The following RNF180 variants were observed in gnomAD, a reference collection of about 807,000 sequenced individuals.
RNF180 encodes E3 ubiquitin-protein ligase RNF180.
Under a neutral mutation model 59.2 loss-of-function variants are expected in RNF180, and 38 were observed. The ratio of observed to expected loss-of-function variants is 0.64; its 90% CI spans 0.50 to 0.84. The LOEUF is 0.84. Among genes scored for constraint, RNF180 ranks in the 40% least tolerant of loss-of-function variants. The probability of loss-of-function intolerance (pLI) is 0.00; values close to 1 mark genes in which losing one functional copy is unlikely to be tolerated. For missense variants in RNF180, 705 were observed against 700.9 expected (o/e 1.01, Z -0.07); for synonymous variants, 262 against 240.3 (o/e 1.09, Z -0.84).
rs1294102235 is a variant in RNF180 at position 64,325,632 on chromosome 5, A to G, written c.1453+221A>G. Among the ~76,000 whole-genome samples the G allele has an allele frequency of 3.3e-5, 5 of 152,166 alleles. No individual in the cohort carries two copies. In the East Asian group the frequency reaches 9.6e-4, roughly 29 times the overall value. On this transcript the variant is annotated intron_variant, in intron 6 of 7. Coordinates refer to ENST00000389100, the MANE Select transcript of RNF180 (RefSeq NM_001113561.2). ...CTACTGTACACTCAGATCCTTTCTA[A>G]AACACTGTAACTAGTAGTTGTTCAG...
intron 6 of RNF180, among the ~76,000 whole-genome samples, chr5:64,327,507 TTTTAAA>T (rs1477443790): frequency 2.0e-5 from 3 of 152,180 alleles, no homozygotes; most frequent in South Asian, 2.1e-4. Flanking sequence ...TTCACATACT[TTTTAAA>T]TTTAAATTTC....
intron 1 of RNF180, among the ~76,000 whole-genome samples, chr5:64,171,045 TC>T (rs1222996840): frequency 1.3e-5 from 2 of 152,186 alleles, no homozygotes; most frequent in Non-Finnish European, 2.9e-5. Flanking sequence ...GGAGTAATAG[TC>T]AACGATATAG....
intron 7 of RNF180, among the ~76,000 whole-genome samples, chr5:64,349,208 A>T (rs1009608557): frequency 1.3e-5 from 2 of 152,102 alleles, no homozygotes; most frequent in African/African-American, 4.8e-5. Context: ...AATGTCTGTC[A>T]CCACCATTCC....
At position 64,214,041 on chromosome 5, in the gene RNF180, C is replaced by T; in HGVS notation, c.715C>T (p.Leu239=). 6.2e-7 allele frequency: 1 copy of T among 1,614,108 alleles called. No individual in the cohort carries two copies. Among genetic ancestry groups the T allele is most frequent in the East Asian group, 2.2e-5 (1 of 44,888 alleles). Residue 239 remains leucine, a synonymous_variant, in exon 4 of 8, where the codon CTG becomes TTG. Coordinates refer to ENST00000389100, the MANE Select transcript of RNF180 (RefSeq NM_001113561.2). Reference sequence around the variant, plus strand: ...TTTGGATCTGAACATCAGTGAGAAACTGACTTTATTACCCACTTTATATGA... The same window carrying T: ...TTTGGATCTGAACATCAGTGAGAAATTGACTTTATTACCCACTTTATATGA... The part of the protein sequence containing the change: ...HSLDLNISEK[L]TLLPTLYEIH...
chr5:64,223,415 C>T (rs1741475617), intron 5 of RNF180, among the ~76,000 whole-genome samples: 1 of 152,194 alleles, frequency 6.6e-6, no homozygotes, highest in African/African-American at 2.4e-5. Flanking sequence ...ACCTGGACAT[C>T]TTTGGGGAGT....
intron 1 of RNF180, among the ~76,000 whole-genome samples, chr5:64,175,813 C>G (rs1249879980): frequency 6.6e-6 from 1 of 152,092 alleles, no homozygotes. Flanking sequence ...CAATAGAGAT[C>G]TTTCACATGC....
intron 5 of RNF180, among the ~76,000 whole-genome samples, chr5:64,221,184 A>G (rs955419250): frequency 6.6e-6 from 1 of 152,056 alleles, no homozygotes; most frequent in African/African-American, 2.4e-5. Context: ...TAGAATTAAA[A>G]TAGTGATCCA....
chr5:64,222,968 A>G (rs1741443754), intron 5 of RNF180, among the ~76,000 whole-genome samples: 1 of 152,252 alleles, frequency 6.6e-6, no homozygotes, highest in Non-Finnish European at 1.5e-5. Context: ...TCACACTTAC[A>G]TATCCCTTAC....
chr5:64,298,736 C>T (rs548252184), intron 5 of RNF180, among the ~76,000 whole-genome samples: 2 of 152,036 alleles, frequency 1.3e-5, no homozygotes, highest in East Asian at 1.9e-4. Flanking sequence ...TTAGCCAGTC[C>T]GCTGAACCAG....
intron 5 of RNF180, among the ~76,000 whole-genome samples, chr5:64,243,388 G>T (rs1742914088): frequency 6.6e-6 from 1 of 152,186 alleles, no homozygotes; most frequent in Admixed American, 6.5e-5. Flanking sequence ...GGACTCTCAA[G>T]CTTGGTCAGG....
intron 7 of RNF180, among the ~76,000 whole-genome samples, chr5:64,343,503 A>T (rs1015758060): frequency 2.0e-5 from 3 of 152,050 alleles, no homozygotes. Context: ...CCTATTGATA[A>T]ATCTCAGCAT....
intron 7 of RNF180, among the ~76,000 whole-genome samples, chr5:64,355,694 T>C (rs1033424430): frequency 4.6e-5 from 7 of 152,054 alleles, no homozygotes; most frequent in African/African-American, 1.7e-4. Context: ...GCCATAAGAA[T>C]AGACATATAG....
chr5:64,325,391 C>A lies in RNF180; in HGVS notation c.1433C>A (p.Ser478Tyr), dbSNP rs940871654. 4.5e-6 allele frequency: 7 copies of A among 1,550,460 alleles called. No homozygotes were observed. The highest frequency in any genetic ancestry group is 3.9e-5 in the Admixed American group (2 of 50,984). Residue 478 changes from serine (S) to tyrosine (Y), a missense_variant, in exon 6 of 8, where the codon TCT (serine) becomes TAT (tyrosine). Physicochemically the swap from Ser to Tyr is moderately radical, Grantham distance 144. Coordinates refer to ENST00000389100, the MANE Select transcript of RNF180 (RefSeq NM_001113561.2). ...TGCCCATTGTGTCGGACAATTATTT[C>A]TAGAGTCTTTTTCCAAACAGGTAAC... ...TPCPLCRTII[S>Y]RVFFQTELNN...
chr5:64,267,508 C>A (rs908229333), intron 5 of RNF180, among the ~76,000 whole-genome samples: 3 of 151,870 alleles, frequency 2.0e-5, no homozygotes, highest in Non-Finnish European at 2.9e-5. Flanking sequence ...CCCACTCCCC[C>A]CACCCCACAA....
At chr5:64,222,703 T>G (rs1321763710) in intron 5 of RNF180, among the ~76,000 whole-genome samples, 1 of 152,164 alleles carries the variant, frequency 6.6e-6, no homozygotes, top group African/African-American at 2.4e-5. Context: ...ACATTGTAGT[T>G]TGGGCACAGT....
Position 64,217,378 on chromosome 5 carries a change from G to C in RNF180, c.1209G>C (p.Val403=). The C allele has an allele frequency of 7.0e-7, 1 of 1,420,776 alleles. No individual in the cohort carries two copies. The highest frequency in any genetic ancestry group is 9.2e-7 in the Non-Finnish European group (1 of 1,082,096). The allele number at this position is 1,420,776 out of a possible 1,614,324, so 88.0% of individuals were successfully genotyped here. ...TTCTCTAGGGTAAATACTCAGGAGTGGGATTGCTGGATCATATGGTAAGTA... is the reference window on the plus strand; with the variant it reads ...TTCTCTAGGGTAAATACTCAGGAGTCGGATTGCTGGATCATATGGTAAGTA... ...WLQKQGKYSG[V]GLLDHMTLNN... is the part of the protein sequence containing the mutation. The change falls in exon 5 of 8, where the codon GTG becomes GTC. Residue 403 remains valine (V), a synonymous_variant. Transcript: ENST00000389100.
chr5:64,244,388 A>G (rs934224850), intron 5 of RNF180, among the ~76,000 whole-genome samples: 2 of 142,638 alleles, frequency 1.4e-5, no homozygotes, highest in Non-Finnish European at 3.1e-5. Context: ...TTGGAGAGGA[A>G]CATAAATGAC....
At chr5:64,279,144 C>G (rs979767924) in intron 5 of RNF180, among the ~76,000 whole-genome samples, 1 of 152,084 alleles carries the variant, frequency 6.6e-6, no homozygotes, top group Non-Finnish European at 1.5e-5. Context: ...GCCAGAAAAA[C>G]AAAGAGTTAG....
At chr5:64,235,996 A>G (rs1366768601) in intron 5 of RNF180, among the ~76,000 whole-genome samples, 4 of 152,230 alleles carry the variant, frequency 2.6e-5, no homozygotes, top group Non-Finnish European at 1.5e-5. Context: ...AATACAGAGA[A>G]TTGGTACGAG....
Sources: gnomAD v4.1 joint callset for allele counts (sites outside exome capture counted in the v4.1 genomes callset) on GRCh38, gnomAD v4.1.1 for gene constraint, MANE v1.5 for transcripts, NCBI Gene and HGNC (gene_info 2026-07-23, HGNC 2026-07-21) for gene names.